Variants in SLITRK1 observed in about 807,000 individuals in gnomAD.
The protein encoded by SLITRK1 is SLIT and NTRK like family member 1, also known as SLIT and NTRK-like protein 1.
Under a neutral mutation model 42.4 loss-of-function variants are expected in SLITRK1, and 10 were observed. The ratio of observed to expected loss-of-function variants is 0.24; its 90% CI spans 0.15 to 0.40. The LOEUF is 0.40. SLITRK1 is among the 10% of genes least tolerant of loss of function. SLITRK1 has a pLI of 1.00. For missense variants in SLITRK1, 778 were observed against 848.8 expected, an observed-to-expected ratio of 0.92 and a Z score of 1.04; for synonymous variants, 389 against 365.7, an observed-to-expected ratio of 1.06 and a Z score of -0.73.
Position 83,880,859 on chromosome 13 carries a change from T to A in SLITRK1, c.649A>T (p.Thr217Ser). 1 of 1,614,094 alleles carries A rather than the reference T, an allele frequency of 6.2e-7. No homozygotes were observed. The highest frequency in any genetic ancestry group is 8.5e-7 in the Non-Finnish European group (1 of 1,180,026). Residue 217 changes from threonine (T) to serine (S), a missense_variant, in exon 2 of 2, where the codon ACC becomes TCC. Transcript: ENST00000674365. ...TCTTTCAGGGAGAGCAGATCACAGG[T>A]GCAGTCCCAAGGGTTATCCTCTAGC... ...ILLEDNPWDC[T>S]CDLLSLKEWL...
At position 83,879,943 on chromosome 13, in the gene SLITRK1, A is replaced by G. The variant is rs1483614312; in HGVS notation, c.1565T>C (p.Ile522Thr). The stretch of plus-strand genomic sequence containing the variant: ...GGGGTTTCCGTGGAGGTCTATCTGG[A>G]TGATGGAGGTTAACTGGTCCAGCAC... ...AGVLDQLTSIIQIDLHGNPWE... is the reference protein window; with the variant it reads ...AGVLDQLTSITQIDLHGNPWE... The change falls in exon 2 of 2, where the codon ATC (isoleucine) becomes ACC (threonine). Residue 522 changes from isoleucine (I) to threonine (T), a missense_variant. Physicochemically the swap from Ile to Thr is moderately conservative, Grantham distance 89. Coordinates refer to ENST00000674365, the MANE Select transcript of SLITRK1 (RefSeq NM_001281503.2). 6.2e-7 allele frequency: 1 copy of G among 1,613,942 alleles called. No homozygotes were observed. The highest frequency in any genetic ancestry group is 8.5e-7 in the Non-Finnish European group (1 of 1,180,022).
In SLITRK1 at chr13:83,879,363, G is replaced by A. The variant is rs908477642; in HGVS notation, c.*54C>T. The A allele has an allele frequency of 6.9e-6, 11 of 1,602,072 alleles. No individual in the cohort carries two copies. The Admixed American group carries it at 1.3e-4, about 19-fold the overall frequency. On this transcript the variant is annotated 3_prime_UTR_variant, in exon 2 of 2. Coordinates refer to ENST00000674365, the MANE Select transcript of SLITRK1 (RefSeq NM_001281503.2). Reference sequence around the variant, plus strand: ...CCCCTCCAGCCCCCGGGGTGCCTGCGGTGGGGAAGGATGTATCGCCTTCCC... The same window carrying A: ...CCCCTCCAGCCCCCGGGGTGCCTGCAGTGGGGAAGGATGTATCGCCTTCCC...
rs1387995878 is a variant in SLITRK1 at position 83,879,628 on chromosome 13, A to G, written c.1880T>C (p.Val627Ala). The G allele has an allele frequency of 1.2e-6, 2 of 1,613,792 alleles. No individual in the cohort carries two copies. Among genetic ancestry groups the G allele is most frequent in the African/African-American group, 2.7e-5 (2 of 74,860 alleles). ...ISVLVPGLLL[V>A]FVTSAFTVVG... is the part of the protein sequence containing the mutation. Reference sequence around the variant, plus strand: ...CACGGTGAAGGCGGAGGTGACAAACACCAGCAGCAGTCCCGGGACCAACAC... The same window carrying G: ...CACGGTGAAGGCGGAGGTGACAAACGCCAGCAGCAGTCCCGGGACCAACAC... Residue 627 changes from valine (V) to alanine (A), a missense_variant, in exon 2 of 2, where the codon GTG (valine) becomes GCG (alanine). Physicochemically the swap from Val to Ala is moderately conservative, Grantham distance 64 (BLOSUM62 0). Transcript: ENST00000674365.
rs1328782801 is a variant in SLITRK1 at position 83,879,919 on chromosome 13, G to A, written c.1589C>T (p.Pro530Leu). The A allele has an allele frequency of 3.1e-6, 5 of 1,613,950 alleles. No individual in the cohort carries two copies. Among genetic ancestry groups the A allele is most frequent in the Non-Finnish European group, 4.2e-6 (5 of 1,180,038 alleles). Residue 530 changes from proline (P) to leucine (L), a missense_variant, in exon 2 of 2, where the codon CCC becomes CTC. Transcript: ENST00000674365. ...SIIQIDLHGN[P>L]WECSCTIVPF... Reference sequence around the variant, plus strand: ...CACAATTGTGCAGGAGCACTCCCAGGGGTTTCCGTGGAGGTCTATCTGGAT... The same window carrying A: ...CACAATTGTGCAGGAGCACTCCCAGAGGTTTCCGTGGAGGTCTATCTGGAT...
rs757819524 is a variant in SLITRK1 at position 83,879,979 on chromosome 13, G to C, written c.1529C>G (p.Pro510Arg). 6.2e-7 allele frequency: 1 copy of C among 1,614,058 alleles called. No homozygotes were observed. The highest frequency in any genetic ancestry group is 8.5e-7 in the Non-Finnish European group (1 of 1,180,022). ...TAACTGGTCCAGCACCCCTGCCACC[G>C]GGAGGTACATGAAGTAATTGTTGTG... Reference protein sequence around the residue: ...SLHNNYFMYLPVAGVLDQLTS... With the variant: ...SLHNNYFMYLRVAGVLDQLTS... The change falls in exon 2 of 2, where the codon CCG becomes CGG. Residue 510 changes from proline (P) to arginine (R), a missense_variant. Pro to Arg is a moderately radical substitution (Grantham distance 103). Coordinates refer to ENST00000674365, the MANE Select transcript of SLITRK1 (RefSeq NM_001281503.2).
Position 83,880,495 on chromosome 13 carries a change from C to CT in SLITRK1, c.1012dup (p.Ser338LysfsTer32). ...GCTGCAGCCCCCAGGGCAGGGTAAA[C>CT]TGTTAGCTAAGGGTTTGTTCCTGGA... On this transcript the variant is annotated frameshift_variant, in exon 2 of 2. Coordinates refer to ENST00000674365, the MANE Select transcript of SLITRK1 (RefSeq NM_001281503.2). LOFTEE classifies it high-confidence loss of function. The CT allele has an allele frequency of 6.2e-7, 1 of 1,614,108 alleles. No homozygotes were observed. Among genetic ancestry groups the CT allele is most frequent in the Non-Finnish European group, 8.5e-7 (1 of 1,180,032 alleles).
Position 83,879,306 on chromosome 13 carries a change from C to T in SLITRK1, c.*111G>A. The T allele has an allele frequency of 7.2e-7, 1 of 1,381,914 alleles. No individual in the cohort carries two copies. The highest frequency in any genetic ancestry group is 1.0e-6 in the Non-Finnish European group (1 of 997,702). The allele number at this position is 1,381,914 out of a possible 1,614,324, so 85.6% of individuals were successfully genotyped here. ...CAGTTATTTATCTACTTATGCCCATCCAGGCTGATGGCGCGGGGATTTGGG... is the reference window on the plus strand; with the variant it reads ...CAGTTATTTATCTACTTATGCCCATTCAGGCTGATGGCGCGGGGATTTGGG... On this transcript the variant is annotated 3_prime_UTR_variant, in exon 2 of 2. Transcript: ENST00000674365.
Position 83,879,149 on chromosome 13 carries a change from C to T in SLITRK1, c.*268G>A. The stretch of plus-strand genomic sequence containing the variant: ...TGTCAGTTCTTCCAGCAGGGTCGTG[C>T]TGGGCTTTCTGTCAAAAGGGGCTCT... On this transcript the variant is annotated 3_prime_UTR_variant, in exon 2 of 2. Transcript: ENST00000674365. 2.0e-6 allele frequency: 1 copy of T among 497,860 alleles called. No individual in the cohort carries two copies. The highest frequency in any genetic ancestry group is 3.8e-5 in the East Asian group (1 of 26,282). The allele number at this position is 497,860 out of a possible 1,614,324, so 30.8% of individuals were successfully genotyped here.
chr13:83,881,779 A>G, intron 1 of SLITRK1: 1 of 435,192 alleles, frequency 2.3e-6, no homozygotes, highest in Non-Finnish European at 4.2e-6. Flanking sequence ...AAAGTAGGAA[A>G]AAAACCCCAC....
rs140875495 is a variant in SLITRK1, at chr13:83,881,577, C to G, written c.-53-17G>C. 6,064 of 1,353,492 alleles carry G rather than the reference C, an allele frequency of 4.5e-3. 20 individuals are homozygous for G. Among genetic ancestry groups the G allele is most frequent in the Non-Finnish European group, 5.4e-3 (5,443 of 1,010,194 alleles). 83.8% of individuals were successfully genotyped at this position (1,353,492 alleles called of 1,614,324 possible). ...GCGACCATCCTGCTCGCCACAGACACAATTCAAGTTCATTTAGTGCTCCAA... is the reference window on the plus strand; with the variant it reads ...GCGACCATCCTGCTCGCCACAGACAGAATTCAAGTTCATTTAGTGCTCCAA... On this transcript the variant is annotated splice_polypyrimidine_tract_variant and intron_variant, in intron 1 of 1. Coordinates refer to ENST00000674365, the MANE Select transcript of SLITRK1 (RefSeq NM_001281503.2).
chr13:83,881,304 A>G lies in SLITRK1; in HGVS notation c.204T>C (p.Asn68=), dbSNP rs1214113688. The part of the protein sequence containing the change: ...SQFYHLFLHG[N]SLTRLFPNEF... ...CATTAGGGAAAAGTCGAGTGAGGGA[A>G]TTGCCATGCAGAAATAAATGGTAAA... Residue 68 remains asparagine, a synonymous_variant, in exon 2 of 2, where the codon AAT becomes AAC. Coordinates refer to ENST00000674365, the MANE Select transcript of SLITRK1 (RefSeq NM_001281503.2). 6.2e-7 allele frequency: 1 copy of G among 1,614,042 alleles called. No homozygotes were observed. Among genetic ancestry groups the G allele is most frequent in the African/African-American group, 1.3e-5 (1 of 74,910 alleles).
rs2137218157 is a variant in SLITRK1 at position 83,881,144 on chromosome 13, G to A, written c.364C>T (p.Arg122Ter). The change falls in exon 2 of 2, where the codon CGA becomes TGA. Residue 122 changes from arginine (R) to a stop codon, truncating the protein, a stop_gained. Transcript: ENST00000674365. LOFTEE classifies it high-confidence loss of function. ...TCCAGCCCCAGAAAAGTCTGCTTTC[G>A]AAAAGACTTGATCTTGTTGTTGTTG... ...HINNNKIKSFRKQTFLGLDDL... is the reference protein window; with the variant it reads ...HINNNKIKSF The A allele has an allele frequency of 6.2e-7, 1 of 1,614,100 alleles. No homozygotes were observed. The highest frequency in any genetic ancestry group is 2.2e-5 in the East Asian group (1 of 44,864).
Sources: allele counts gnomAD v4.1 joint callset, GRCh38; gene constraint gnomAD v4.1.1; transcripts MANE v1.5; gene names NCBI Gene and HGNC (gene_info 2026-07-23, HGNC 2026-07-21).